GALNT13: variants seen among roughly 807,000 people sequenced by gnomAD.
GALNT13 encodes the protein polypeptide N-acetylgalactosaminyltransferase 13, also known as UDP-GalNAc:polypeptide N-acetylgalactosaminyltransferase 13.
A neutral mutation model predicts 64.2 loss-of-function variants in GALNT13; 28 were observed. The ratio of observed to expected loss-of-function variants is 0.44; its 90% CI spans 0.32 to 0.60. The LOEUF (loss-of-function observed/expected upper bound fraction) is 0.60, where lower values mean the gene tolerates loss of function less well. Ranked by LOEUF, GALNT13 falls within the 20% of genes least tolerant of loss-of-function variation. The pLI, the probability that GALNT13 is intolerant of heterozygous loss-of-function variation, is 0.05. For missense variants in GALNT13, 577 were observed against 669.8 expected (o/e 0.86, Z 1.53); for synonymous variants, 214 against 224.6 (o/e 0.95, Z 0.42).
At chr2:153,532,248 T>C in the GALNT13 span, among the ~76,000 whole-genome samples, 1 of 152,144 alleles carries the variant, frequency 6.6e-6, no homozygotes, top group South Asian at 2.1e-4. Flanking sequence ...AACTCTTGCA[T>C]TCTGCATACC....
At chr2:153,727,114 C>T in the GALNT13 span, among the ~76,000 whole-genome samples, 1 of 152,054 alleles carries the variant, frequency 6.6e-6, no homozygotes, top group Admixed American at 6.6e-5. Flanking sequence ...ATATAATTTT[C>T]AGTTATTGGA....
the GALNT13 span, among the ~76,000 whole-genome samples, chr2:153,114,363 A>G: frequency 6.6e-6 from 1 of 152,126 alleles, no homozygotes; most frequent in South Asian, 2.1e-4. Context: ...TGGCTCTTGC[A>G]CTGTGGCTAT....
At chr2:154,260,669 G>T (rs1690648200) in intron 8 of GALNT13, among the ~76,000 whole-genome samples, 1 of 152,064 alleles carries the variant, frequency 6.6e-6, no homozygotes, top group Non-Finnish European at 1.5e-5. Context: ...GGACATTTGA[G>T]AACCCAAAAT....
the GALNT13 span, among the ~76,000 whole-genome samples, chr2:153,167,210 T>C: frequency 2.6e-5 from 4 of 152,230 alleles, no homozygotes; most frequent in African/African-American, 4.8e-5. Flanking sequence ...GATACTTCCA[T>C]TGGCATCACA....
chr2:153,864,797 T>C, the GALNT13 span, among the ~76,000 whole-genome samples: 4 of 149,644 alleles, frequency 2.7e-5, no homozygotes, highest in African/African-American at 2.5e-5. Context: ...TTCACAGAAT[T>C]GGAAAAAAGT....
chr2:153,205,046 G>T, the GALNT13 span, among the ~76,000 whole-genome samples: 3 of 152,090 alleles, frequency 2.0e-5, no homozygotes, highest in Admixed American at 6.5e-5. Context: ...TTTTGTGATG[G>T]TAAACGTTAT....
At chr2:153,139,070 G>T in the GALNT13 span, among the ~76,000 whole-genome samples, 1 of 152,016 alleles carries the variant, frequency 6.6e-6, no homozygotes, top group African/African-American at 2.4e-5. Flanking sequence ...AAATTCAACA[G>T]AAGGCATGTG....
At chr2:153,878,182 A>T (rs900230896) in intron 1 of GALNT13, among the ~76,000 whole-genome samples, 3 of 152,224 alleles carry the variant, frequency 2.0e-5, no homozygotes, top group Non-Finnish European at 2.9e-5. Flanking sequence ...GGATATTTTA[A>T]CACCAAATAA....
At chr2:153,599,265 A>G in the GALNT13 span, among the ~76,000 whole-genome samples, 2 of 152,060 alleles carry the variant, frequency 1.3e-5, no homozygotes, top group Non-Finnish European at 2.9e-5. Context: ...TCTTCTAGCT[A>G]TCTCAAAATG....
the GALNT13 span, among the ~76,000 whole-genome samples, chr2:153,513,013 G>T: frequency 6.6e-6 from 1 of 152,150 alleles, no homozygotes; most frequent in Non-Finnish European, 1.5e-5. Context: ...TCTGAGAAAA[G>T]AAATTGTAAA....
the GALNT13 span, among the ~76,000 whole-genome samples, chr2:153,634,681 G>A: frequency 3.3e-5 from 5 of 150,864 alleles, no homozygotes; most frequent in South Asian, 4.2e-4. Flanking sequence ...CTCCCGAGTA[G>A]CTGGGACTAC....
intron 4 of GALNT13, among the ~76,000 whole-genome samples, chr2:154,159,184 G>C (rs1558995369): frequency 6.6e-6 from 1 of 151,612 alleles, no homozygotes; most frequent in Non-Finnish European, 1.5e-5. Context: ...GCCCAGGCTG[G>C]AATGCAATGG....
intron 12 of GALNT13, among the ~76,000 whole-genome samples, chr2:154,440,856 C>G (rs778779872): frequency 5.3e-5 from 8 of 151,868 alleles, no homozygotes; most frequent in Non-Finnish European, 1.2e-4. Flanking sequence ...CTTTGATGTG[C>G]GATTATATTT....
At chr2:153,829,121 C>G in the GALNT13 span, among the ~76,000 whole-genome samples, 1 of 152,064 alleles carries the variant, frequency 6.6e-6, no homozygotes, top group Non-Finnish European at 1.5e-5. Context: ...TAGGGAGTTC[C>G]AAACTTTCCC....
the GALNT13 span, among the ~76,000 whole-genome samples, chr2:153,630,471 G>T: frequency 8.5e-6 from 1 of 117,330 alleles, no homozygotes; most frequent in African/African-American, 3.2e-5. Flanking sequence ...ACACAGGAGG[G>T]GGAACATCAC....
At chr2:153,375,441 G>C in the GALNT13 span, among the ~76,000 whole-genome samples, 3 of 152,056 alleles carry the variant, frequency 2.0e-5, no homozygotes, top group East Asian at 5.8e-4. Flanking sequence ...TTTCTCACTA[G>C]CTTTTCTGAT....
chr2:153,835,040 T>G, the GALNT13 span, among the ~76,000 whole-genome samples: 1 of 152,072 alleles, frequency 6.6e-6, no homozygotes, highest in Non-Finnish European at 1.5e-5. Flanking sequence ...AGGAGGTAAT[T>G]AAGTCTGTGA....
chr2:154,174,666 C>A (rs1334974569), intron 4 of GALNT13, among the ~76,000 whole-genome samples: 3 of 152,036 alleles, frequency 2.0e-5, no homozygotes, highest in Non-Finnish European at 2.9e-5. Context: ...TATTTCCTTT[C>A]TTCTATGTAA....
At chr2:153,901,273 T>G (rs1425169813) in intron 2 of GALNT13, among the ~76,000 whole-genome samples, 2 of 152,184 alleles carry the variant, frequency 1.3e-5, no homozygotes, top group South Asian at 2.1e-4. Context: ...TACCTCTAGT[T>G]TTTTCTTTAT....
Sources: gnomAD v4.1 joint callset for allele counts (sites outside exome capture counted in the v4.1 genomes callset) on GRCh38, gnomAD v4.1.1 for gene constraint, MANE v1.5 for transcripts, NCBI Gene and HGNC (gene_info 2026-07-23, HGNC 2026-07-21) for gene names.